QRFPR: variants seen among roughly 807,000 people sequenced by gnomAD.
The protein encoded by QRFPR is pyroglutamylated RFamide peptide receptor.
Under a neutral mutation model 31.3 loss-of-function variants are expected in QRFPR, and 37 were observed. The observed-to-expected ratio is 1.18, with a 90% confidence interval of 0.91 to 1.56. QRFPR has a LOEUF of 1.56. QRFPR is among the 40% of genes most tolerant of loss of function. The pLI, the probability that QRFPR is intolerant of heterozygous loss-of-function variation, is 0.00. For synonymous variants in QRFPR, 197 were observed against 192.0 expected (o/e 1.03, Z -0.22); for missense variants, 542 against 532.5 (o/e 1.02, Z -0.18).
chr4:121,369,187 C>G (rs1194755140), intron 1 of QRFPR, among the ~76,000 whole-genome samples: 1 of 152,106 alleles, frequency 6.6e-6, no homozygotes, highest in Non-Finnish European at 1.5e-5. Flanking sequence ...CACCACCATG[C>G]CCGGCTAATT....
chr4:121,373,864 T>G (rs1473616172), intron 1 of QRFPR, among the ~76,000 whole-genome samples: 1 of 152,212 alleles, frequency 6.6e-6, no homozygotes, highest in East Asian at 1.9e-4. Context: ...AGTGCTTTCT[T>G]TCTCTCCCTC....
chr4:121,343,208 A>G (rs1725577695), intron 1 of QRFPR, among the ~76,000 whole-genome samples: 2 of 152,218 alleles, frequency 1.3e-5, no homozygotes, highest in African/African-American at 2.4e-5. Flanking sequence ...CTTCTGTGCT[A>G]GACTTTTCAA....
Position 121,330,448 on chromosome 4 carries a change from A to G in QRFPR, c.873T>C (p.Val291=), listed in dbSNP as rs1370948436. 4 of 1,612,714 alleles carry G rather than the reference A, an allele frequency of 2.5e-6. No individual in the cohort carries two copies. Among genetic ancestry groups the G allele is most frequent in the African/African-American group, 2.7e-5 (2 of 74,908 alleles). Residue 291 remains valine (V), a synonymous_variant, in exon 5 of 6, where the codon GTT becomes GTC. Coordinates refer to ENST00000394427, the MANE Select transcript of QRFPR (RefSeq NM_198179.3). ...CACTGTATTCAATCATCATATGGAC[A>G]ACATGGAATGGTGCCCAGCACACAG... ...LFAVCWAPFH[V]VHMMIEYSNF... is the part of the protein sequence containing the mutation.
intron 5 of QRFPR, 87 bp from the exon 6 acceptor site, chr4:121,329,801 C>T (rs1272471179): frequency 2.9e-5 from 29 of 987,572 alleles, no homozygotes; most frequent in Non-Finnish European, 3.9e-5. Context: ...AAGACTTAAA[C>T]TTGTACAAGT....
At chr4:121,329,820 G>A in intron 5 of QRFPR, 106 bp from the exon 6 acceptor site, 1 of 843,552 alleles carries the variant, frequency 1.2e-6, no homozygotes, top group East Asian at 2.8e-5. Flanking sequence ...GTATCTGAAG[G>A]TGTGAAAAGT....
chr4:121,350,511 GTCT>G (rs2110474389), intron 1 of QRFPR, among the ~76,000 whole-genome samples: 2 of 152,214 alleles, frequency 1.3e-5, no homozygotes, highest in South Asian at 4.2e-4. Context: ...TTCAAAACAA[GTCT>G]TCTTTGCAAG....
chr4:121,374,565 A>G (rs939587824), intron 1 of QRFPR, among the ~76,000 whole-genome samples: 14 of 152,310 alleles, frequency 9.2e-5, no homozygotes, highest in Admixed American at 7.8e-4. Flanking sequence ...GCAAATTATA[A>G]CTTTTCTAAC....
intron 2 of QRFPR, 121 bp downstream of exon 2, chr4:121,340,331 A>G: frequency 9.0e-7 from 1 of 1,108,760 alleles, no homozygotes; most frequent in Non-Finnish European, 1.3e-6. Flanking sequence ...GAAACTCTCA[A>G]ATTATATTCC....
At chr4:121,343,256 T>C (rs1725578498) in intron 1 of QRFPR, among the ~76,000 whole-genome samples, 1 of 152,220 alleles carries the variant, frequency 6.6e-6, no homozygotes, top group South Asian at 2.1e-4. Context: ...CAACTTGAAA[T>C]GAACTGGATC....
At position 121,329,376 on chromosome 4, in the gene QRFPR, G is replaced by T; in HGVS notation, c.1234C>A (p.Arg412=). The T allele has an allele frequency of 1.2e-6, 2 of 1,614,040 alleles. No individual in the cohort carries two copies. The highest frequency in any genetic ancestry group is 1.7e-6 in the Non-Finnish European group (2 of 1,179,926). ...EQTEEKKKLK[R]HLALFRSELA... ...TCAGACCTAAAGAGAGCAAGATGTC[G>T]TTTGAGCTTTTTCTTCTCCTCTGTC... The change falls in exon 6 of 6, where the codon CGA becomes AGA. Residue 412 remains arginine, a synonymous_variant. Coordinates refer to ENST00000394427, the MANE Select transcript of QRFPR (RefSeq NM_198179.3).
At chr4:121,359,446 C>T (rs1560741234) in intron 1 of QRFPR, among the ~76,000 whole-genome samples, 2 of 152,078 alleles carry the variant, frequency 1.3e-5, no homozygotes, top group South Asian at 2.1e-4. Context: ...CTTGAAAAGG[C>T]GAGACTGGCC....
At chr4:121,348,292 A>G (rs771891118) in intron 1 of QRFPR, among the ~76,000 whole-genome samples, 18 of 152,214 alleles carry the variant, frequency 1.2e-4, no homozygotes, top group Non-Finnish European at 2.2e-4. Flanking sequence ...TGTTTAGGCC[A>G]ATGTCTAGTA....
At chr4:121,365,557 AATATATATT>A in intron 1 of QRFPR, among the ~76,000 whole-genome samples, 1 of 13,390 alleles carries the variant, frequency 7.5e-5, no homozygotes, top group South Asian at 1.4e-3. Flanking sequence ...TATAATATAT[AATATATATT>A]ATATATAATA....
intron 1 of QRFPR, among the ~76,000 whole-genome samples, chr4:121,357,819 T>C (rs1171248510): frequency 6.6e-6 from 1 of 152,178 alleles, no homozygotes; most frequent in Admixed American, 6.5e-5. Context: ...AAGGTCTACG[T>C]TTCTAACACT....
Position 121,355,964 on chromosome 4 carries a change from G to T in QRFPR, c.341-15354C>A, listed in dbSNP as rs528775682. 8.5e-5 allele frequency among the ~76,000 whole-genome samples: 13 copies of T among 152,148 alleles called. 1 individual carries two copies. The highest frequency in any genetic ancestry group is 3.1e-4 in the African/African-American group (13 of 41,524). On this transcript the variant is annotated intron_variant, in intron 1 of 5. Transcript: ENST00000394427. The stretch of plus-strand genomic sequence containing the variant: ...ATTTTTCAAAAAAATTTTGAGACTT[G>T]TGTTGTGGCCCAACATATGTCATAG...
intron 1 of QRFPR, chr4:121,369,951 G>A: frequency 2.6e-6 from 2 of 764,978 alleles, no homozygotes; most frequent in South Asian, 2.8e-5. Context: ...TTGTGGGTGT[G>A]TAGCCAGGAT....
At chr4:121,363,131 C>G (rs930536728) in intron 1 of QRFPR, among the ~76,000 whole-genome samples, 5 of 149,800 alleles carry the variant, frequency 3.3e-5, no homozygotes, top group Non-Finnish European at 5.9e-5. Context: ...TCAAGACCAA[C>G]CTGGCCAACA....
At chr4:121,351,497 A>G (rs1221455833) in intron 1 of QRFPR, among the ~76,000 whole-genome samples, 1 of 152,198 alleles carries the variant, frequency 6.6e-6, no homozygotes, top group Non-Finnish European at 1.5e-5. Context: ...TAAACTTTCC[A>G]CTAATGACAA....
At chr4:121,337,571 A>G (rs1464384759) in intron 2 of QRFPR, among the ~76,000 whole-genome samples, 1 of 152,196 alleles carries the variant, frequency 6.6e-6, no homozygotes, top group African/African-American at 2.4e-5. Flanking sequence ...ATGGATGAAT[A>G]ACTTTTAAAC....
Sources: gnomAD v4.1 joint callset for allele counts (sites outside exome capture counted in the v4.1 genomes callset) on GRCh38, gnomAD v4.1.1 for gene constraint, MANE v1.5 for transcripts, NCBI Gene and HGNC (gene_info 2026-07-23, HGNC 2026-07-21) for gene names.